FAT3: variants seen among roughly 807,000 people sequenced by gnomAD.
FAT3 encodes protocadherin Fat 3.
A neutral mutation model predicts 310.2 loss-of-function variants in FAT3; 95 were observed. The observed-to-expected ratio is 0.31, with a 90% confidence interval of 0.26 to 0.36. The LOEUF is 0.36. FAT3 is among the 10% of genes least tolerant of loss of function. The pLI, the probability that FAT3 is intolerant of heterozygous loss-of-function variation, is 1.00. For missense variants in FAT3, 5,408 were observed against 5,715.6 expected, an observed-to-expected ratio of 0.95 and a Z score of 1.74; for synonymous variants, 2,314 against 2,192.9, an observed-to-expected ratio of 1.06 and a Z score of -1.54.
At position 92,283,338 on chromosome 11, in the gene FAT3, T is replaced by C. The variant is rs187205259; in HGVS notation, c.-18+58164T>C. Among the ~76,000 whole-genome samples, 41 of 152,310 alleles carry C rather than the reference T, an allele frequency of 2.7e-4. No homozygotes were observed. The East Asian group carries it at 6.8e-3, about 25-fold the overall frequency. ...GTTGGAACATTATAAAGTTCATCAGTCAAAGTTTTTGACACCAAACCACCA... is the reference window on the plus strand; with the variant it reads ...GTTGGAACATTATAAAGTTCATCAGCCAAAGTTTTTGACACCAAACCACCA... On this transcript the variant is annotated intron_variant, in intron 1 of 27. Transcript: ENST00000525166.
intron 3 of FAT3, 93 bp from the exon 4 acceptor site, chr11:92,697,291 T>C (rs555599200): frequency 9.3e-7 from 1 of 1,078,518 alleles, no homozygotes; most frequent in African/African-American, 1.6e-5. Flanking sequence ...TCCATACCAC[T>C]TTTGCTTTTC....
At chr11:92,527,725 A>G (rs1953916917) in intron 3 of FAT3, among the ~76,000 whole-genome samples, 1 of 152,280 alleles carries the variant, frequency 6.6e-6, no homozygotes, top group East Asian at 1.9e-4. Flanking sequence ...AATTTTTGGC[A>G]TTTCTTCCTG....
chr11:92,410,555 C>T (rs1481732132), intron 2 of FAT3, among the ~76,000 whole-genome samples: 4 of 152,034 alleles, frequency 2.6e-5, no homozygotes, highest in Non-Finnish European at 1.5e-5. Context: ...AGAGACATTC[C>T]CCAGTTTTTC....
intron 1 of FAT3, among the ~76,000 whole-genome samples, chr11:92,243,309 C>A (rs1864743108): frequency 6.6e-6 from 1 of 152,006 alleles, no homozygotes; most frequent in African/African-American, 2.4e-5. Flanking sequence ...TCTCTGCTGT[C>A]ATTGTTTCCA....
At chr11:92,523,491 C>T (rs150086814) in intron 2 of FAT3, among the ~76,000 whole-genome samples, 1 of 152,260 alleles carries the variant, frequency 6.6e-6, no homozygotes, top group African/African-American at 2.4e-5. Context: ...AGATGCCCTC[C>T]TCTCTCCCCG....
chr11:92,734,462 A>AT (rs1015034378), intron 4 of FAT3, among the ~76,000 whole-genome samples: 1 of 152,180 alleles, frequency 6.6e-6, no homozygotes, highest in African/African-American at 2.4e-5. Context: ...GGGCAGTAGG[A>AT]TTTTTTAAAA....
intron 22 of FAT3, among the ~76,000 whole-genome samples, chr11:92,875,010 AATG>A (rs1949496005): frequency 6.6e-6 from 1 of 152,112 alleles, no homozygotes. Context: ...GCTACTAATG[AATG>A]ATAATAATCA....
At chr11:92,836,310 C>G (rs11020073) in intron 15 of FAT3, among the ~76,000 whole-genome samples, 3,082 of 152,224 alleles carry the variant, frequency 0.02, 118 homozygotes, top group African/African-American at 0.07. Context: ...TGAGGAAAAT[C>G]AGGCCTAACA....
At chr11:92,362,564 C>T (rs145069039) in intron 2 of FAT3, among the ~76,000 whole-genome samples, 2 of 152,202 alleles carry the variant, frequency 1.3e-5, no homozygotes. Context: ...CTGGATGCAT[C>T]CCTCCACAGA....
intron 3 of FAT3, among the ~76,000 whole-genome samples, chr11:92,526,432 A>G (rs1307655835): frequency 6.6e-6 from 1 of 152,194 alleles, no homozygotes; most frequent in Non-Finnish European, 1.5e-5. Context: ...GAAATACCCC[A>G]GTCAGATTCT....
At chr11:92,644,245 T>C (rs1381579482) in intron 3 of FAT3, among the ~76,000 whole-genome samples, 1 of 152,236 alleles carries the variant, frequency 6.6e-6, no homozygotes, top group Non-Finnish European at 1.5e-5. Context: ...CCCTGCTCAG[T>C]TGCAGGTCAT....
rs576789075 is a variant in FAT3 at position 92,434,448 on chromosome 11, T to C, written c.3292+79044T>C. On this transcript the variant is annotated intron_variant, in intron 2 of 27. Coordinates refer to ENST00000525166, the MANE Select transcript of FAT3 (RefSeq NM_001367949.2). ...ATCCTCAGATTGCCATATTTCTGCA[T>C]AAAATGTGGTGAGGCAAGCTTGTCC... Among the ~76,000 whole-genome samples, 5 of 152,302 alleles carry C rather than the reference T, an allele frequency of 3.3e-5. No homozygotes were observed. In the East Asian group the frequency reaches 9.7e-4, roughly 29 times the overall value.
At chr11:92,362,459 A>G (rs1244271745) in intron 2 of FAT3, among the ~76,000 whole-genome samples, 4 of 152,128 alleles carry the variant, frequency 2.6e-5, no homozygotes, top group Admixed American at 1.3e-4. Context: ...TTGCTGTCTG[A>G]CATCTCTTGG....
chr11:92,661,689 T>C (rs1942788694), intron 3 of FAT3, among the ~76,000 whole-genome samples: 1 of 152,060 alleles, frequency 6.6e-6, no homozygotes, highest in Non-Finnish European at 1.5e-5. Flanking sequence ...AAGAAATTCA[T>C]GTGGGGGAAA....
intron 3 of FAT3, among the ~76,000 whole-genome samples, chr11:92,623,198 A>G (rs928091733): frequency 6.2e-5 from 2 of 32,040 alleles, no homozygotes; most frequent in Admixed American, 5.0e-4. Context: ...ATGTTGCTAC[A>G]TTAGTCAAAT....
In FAT3 at chr11:92,809,951, T is replaced by C; in HGVS notation, c.9356T>C (p.Leu3119Pro). ...AGGTTCTGCCAGTCCAACATCCACC[T>C]AATCCTGGAGGATGTGAATGATAAC... ...GGRFCQSNIH[L>P]ILEDVNDNPP... Residue 3119 changes from leucine to proline, a missense_variant, in exon 13 of 28, where the codon CTA (leucine) becomes CCA (proline). Coordinates refer to ENST00000525166, the MANE Select transcript of FAT3 (RefSeq NM_001367949.2). 6.2e-7 allele frequency: 1 copy of C among 1,613,916 alleles called. No individual in the cohort carries two copies. The highest frequency in any genetic ancestry group is 1.3e-5 in the African/African-American group (1 of 75,060).
At chr11:92,374,432 G>A (rs547021185) in intron 2 of FAT3, among the ~76,000 whole-genome samples, 20 of 152,152 alleles carry the variant, frequency 1.3e-4, no homozygotes, top group Non-Finnish European at 2.5e-4. Flanking sequence ...GGCCTCACTA[G>A]GGAGAGACAA....
At chr11:92,579,387 C>T (rs1282873788) in intron 3 of FAT3, among the ~76,000 whole-genome samples, 1 of 151,972 alleles carries the variant, frequency 6.6e-6, no homozygotes, top group Non-Finnish European at 1.5e-5. Context: ...CAAGGGAGAC[C>T]GTGATGCTTC....
chr11:92,855,418 TTATTA>T (rs368980974), intron 19 of FAT3, among the ~76,000 whole-genome samples: 224 of 152,356 alleles, frequency 1.5e-3, no homozygotes, highest in African/African-American at 5.2e-3. Context: ...AGCAGTTATC[TTATTA>T]TATTATCATC....
Sources: allele counts gnomAD v4.1 joint callset (sites outside exome capture counted in the v4.1 genomes callset), GRCh38; gene constraint gnomAD v4.1.1; transcripts MANE v1.5; gene names NCBI Gene and HGNC (gene_info 2026-07-23, HGNC 2026-07-21).